The following TAOK3 variants were observed in gnomAD, a reference collection of about 807,000 sequenced individuals.
The protein encoded by TAOK3 is TAO kinase 3.
In TAOK3, 40 loss-of-function variants were observed where a neutral mutation model predicts 120.4. The observed-to-expected ratio is 0.33, with a 90% CI of 0.26 to 0.43. The LOEUF (loss-of-function observed/expected upper bound fraction) is 0.43. TAOK3 is among the 20% of genes least tolerant of loss of function. TAOK3 has a pLI of 1.00. For missense variants in TAOK3, 821 were observed against 1,112.1 expected, an observed-to-expected ratio of 0.74 and a Z score of 3.72; for synonymous variants, 355 against 387.5, an observed-to-expected ratio of 0.92 and a Z score of 0.99.
At chr12:118,344,062 G>A (rs576043179) in intron 1 of TAOK3, among the ~76,000 whole-genome samples, 1 of 151,276 alleles carries the variant, frequency 6.6e-6, no homozygotes, top group Non-Finnish European at 1.5e-5. Context: ...ACAAGATTAA[G>A]AAAAGAAACA....
intron 6 of TAOK3, among the ~76,000 whole-genome samples, chr12:118,238,628 T>C (rs1332847035): frequency 1.3e-5 from 2 of 150,044 alleles, no homozygotes; most frequent in East Asian, 3.9e-4. Context: ...AGATCAACAG[T>C]GATTTAATTT....
At position 118,234,212 on chromosome 12, in the gene TAOK3, A is replaced by ATTTTTTTTTTTTTTTTTTTTTTTTTTTT. The variant is rs763473530; in HGVS notation, c.552-475_552-448dup. On this transcript the variant is annotated intron_variant, in intron 8 of 20. Coordinates refer to ENST00000392533, the MANE Select transcript of TAOK3 (RefSeq NM_016281.4). ...TTAAAGTAATTAAATAAAGCAGGAA[A>ATTTTTTTTTTTTTTTTTTTTTTTTTTTT]TTTTTTTTTTTTTTTTTTTTTTTTT... Among the ~76,000 whole-genome samples the ATTTTTTTTTTTTTTTTTTTTTTTTTTTT allele has an allele frequency of 7.9e-4, 46 of 58,340 alleles. 10 individuals carry two copies. Among genetic ancestry groups the ATTTTTTTTTTTTTTTTTTTTTTTTTTTT allele is most frequent in the Non-Finnish European group, 1.2e-3 (39 of 32,396 alleles). 38.3% of individuals were successfully genotyped at this position (58,340 alleles called of 152,430 possible).
At chr12:118,180,278 T>C (rs1439095234) in intron 15 of TAOK3, among the ~76,000 whole-genome samples, 1 of 148,932 alleles carries the variant, frequency 6.7e-6, no homozygotes, top group Non-Finnish European at 1.5e-5. Context: ...TCTCGCTCTG[T>C]CACCCAGGCT....
intron 7 of TAOK3, among the ~76,000 whole-genome samples, chr12:118,237,202 C>G (rs1437526040): frequency 6.6e-6 from 1 of 152,130 alleles, no homozygotes; most frequent in Non-Finnish European, 1.5e-5. Context: ...GTGGTCATGG[C>G]TACACTGGGG....
In TAOK3 at chr12:118,255,494, A is replaced by G. The variant is rs2040941693; in HGVS notation, c.74T>C (p.Ile25Thr). 1.2e-6 allele frequency: 2 copies of G among 1,614,028 alleles called. No individual in the cohort carries two copies. Among genetic ancestry groups the G allele is most frequent in the Admixed American group, 1.7e-5 (1 of 60,000 alleles). The change falls in exon 3 of 21, where the codon ATT (isoleucine) becomes ACT (threonine). Residue 25 changes from isoleucine to threonine, a missense_variant. Ile to Thr is a moderately conservative substitution (Grantham distance 89, BLOSUM62 -1). This residue lies in a region of TAOK3 where 467 missense variants were observed against 540.0 expected (regional missense o/e 0.86). Coordinates refer to ENST00000392533, the MANE Select transcript of TAOK3 (RefSeq NM_016281.4). ...TCCATGTCCAATTTCATGCAAACCA[A>G]TAAAAAGTTCCTCAGGATCATCTTT... is the stretch of plus-strand genomic sequence containing the variant. ...FYKDDPEELF[I>T]GLHEIGHGSF...
chr12:118,348,838 AT>A (rs1361790479), intron 1 of TAOK3, among the ~76,000 whole-genome samples: 6 of 151,062 alleles, frequency 4.0e-5, no homozygotes, highest in East Asian at 2.0e-4. Context: ...GAGAAAAAAA[AT>A]AATTTCTTTT....
At chr12:118,322,690 T>C (rs1437657814) in intron 1 of TAOK3, among the ~76,000 whole-genome samples, 8 of 150,814 alleles carry the variant, frequency 5.3e-5, no homozygotes, top group African/African-American at 1.7e-4. Context: ...GTGATTTTTT[T>C]CCCCCAAACA....
At chr12:118,154,261 A>G (rs2034652236) in intron 19 of TAOK3, among the ~76,000 whole-genome samples, 1 of 152,196 alleles carries the variant, frequency 6.6e-6, no homozygotes, top group Non-Finnish European at 1.5e-5. Flanking sequence ...ACATCTAAAT[A>G]TCTTTAAACA....
chr12:118,255,570 T>C lies in TAOK3; in HGVS notation c.-3A>G. 2 of 1,608,282 alleles carry C rather than the reference T, an allele frequency of 1.2e-6. No individual in the cohort carries two copies. The highest frequency in any genetic ancestry group is 2.2e-5 in the East Asian group (1 of 44,700). On this transcript the variant is annotated 5_prime_UTR_variant, in exon 3 of 21. Coordinates refer to ENST00000392533, the MANE Select transcript of TAOK3 (RefSeq NM_016281.4). ...TCCTTCAGCACCCCTTTACGCATGA[T>C]GGCCAGTAGAGCAGGCTCTGCTTTT...
At chr12:118,317,361 C>T (rs1357506164) in intron 1 of TAOK3, among the ~76,000 whole-genome samples, 17 of 143,352 alleles carry the variant, frequency 1.2e-4, no homozygotes, top group East Asian at 2.3e-4. Flanking sequence ...TGCAGTGGCG[C>T]GATCTTGGCT....
At chr12:118,334,542 C>T (rs890989498) in intron 1 of TAOK3, among the ~76,000 whole-genome samples, 10 of 151,934 alleles carry the variant, frequency 6.6e-5, no homozygotes, top group African/African-American at 2.4e-4. Context: ...CTGTACAACA[C>T]TGTACCTATA....
chr12:118,253,011 C>T lies in TAOK3; in HGVS notation c.120+2437G>A, dbSNP rs562632139. On this transcript the variant is annotated intron_variant, in intron 3 of 20. Transcript: ENST00000392533. ...AAAGTGCTGGGATTACAGGCGTGAGCCACTGCGCCCAGCCGAAATTAGCAC... is the reference window on the plus strand; with the variant it reads ...AAAGTGCTGGGATTACAGGCGTGAGTCACTGCGCCCAGCCGAAATTAGCAC... Among the ~76,000 whole-genome samples the T allele has an allele frequency of 3.9e-5, 6 of 152,196 alleles. No individual in the cohort carries two copies. The East Asian group carries it at 7.7e-4, about 20-fold the overall frequency.
At chr12:118,360,951 C>T (rs560943101) in intron 1 of TAOK3, among the ~76,000 whole-genome samples, 1 of 152,120 alleles carries the variant, frequency 6.6e-6, no homozygotes, top group African/African-American at 2.4e-5. Flanking sequence ...TATGTTCCAG[C>T]AGGGAAAAGG....
intron 1 of TAOK3, among the ~76,000 whole-genome samples, chr12:118,347,500 A>G (rs545032402): frequency 1.3e-5 from 2 of 152,160 alleles, no homozygotes; most frequent in Admixed American, 1.3e-4. Context: ...CTGGCAACTC[A>G]CTAGCTCCAG....
chr12:118,279,445 T>G (rs1036746670), intron 1 of TAOK3, among the ~76,000 whole-genome samples: 1 of 152,100 alleles, frequency 6.6e-6, no homozygotes, highest in Admixed American at 6.5e-5. Flanking sequence ...TTTTATTTTT[T>G]TTTTGCAATT....
intron 1 of TAOK3, among the ~76,000 whole-genome samples, chr12:118,363,018 C>CAAAA (rs60475060): frequency 0.011 from 489 of 45,876 alleles, no homozygotes; most frequent in Non-Finnish European, 0.013. Context: ...GACTCCGTAT[C>CAAAA]AAAAAAAAAA....
intron 5 of TAOK3, among the ~76,000 whole-genome samples, chr12:118,241,265 T>A (rs2040238926): frequency 6.6e-6 from 1 of 152,034 alleles, no homozygotes; most frequent in Admixed American, 6.5e-5. Context: ...TTAATCTTAT[T>A]TCTTATTATA....
Position 118,316,577 on chromosome 12 carries a change from C to CT in TAOK3, c.-193-49819dup, listed in dbSNP as rs964754549. On this transcript the variant is annotated intron_variant, in intron 1 of 20. Transcript: ENST00000392533. The stretch of plus-strand genomic sequence containing the variant: ...CACCCTGCCTGGCTAGATTCTCTCT[C>CT]TTTTTTTTTTTGATTGTTAATAAAG... Among the ~76,000 whole-genome samples, 257 of 147,230 alleles carry CT rather than the reference C, an allele frequency of 1.7e-3. 2 individuals are homozygous for CT. Among genetic ancestry groups the CT allele is most frequent in the African/African-American group, 5.4e-3 (218 of 40,326 alleles).
chr12:118,255,403 C>A, intron 3 of TAOK3, 45 bp downstream of exon 3: 1 of 1,604,548 alleles, frequency 6.2e-7, no homozygotes. Flanking sequence ...TAGAGTCCAA[C>A]CTTTCTTAAT....
Sources: gnomAD v4.1 joint callset for allele counts (sites outside exome capture counted in the v4.1 genomes callset) on GRCh38, gnomAD v4.1.1 for gene constraint, gnomAD v4.1.1 regional missense constraint, MANE v1.5 for transcripts, NCBI Gene and HGNC (gene_info 2026-07-23, HGNC 2026-07-21) for gene names.